The following NAALADL2 variants were observed in gnomAD, a reference collection of about 807,000 sequenced individuals.
NAALADL2 encodes N-acetylated alpha-linked acidic dipeptidase like 2.
In NAALADL2, 76 loss-of-function variants were observed where a neutral mutation model predicts 87.2. The observed-to-expected ratio is 0.87, with a 90% CI of 0.72 to 1.05. NAALADL2 has a LOEUF of 1.05. Among genes scored for constraint, NAALADL2 ranks in the 50% least tolerant of loss-of-function variants. NAALADL2 has a pLI of 0.00. For synonymous variants in NAALADL2, 354 were observed against 331.0 expected (o/e 1.07, Z -0.75); for missense variants, 1,089 against 945.8 (o/e 1.15, Z -1.99).
intron 9 of NAALADL2, among the ~76,000 whole-genome samples, chr3:175,530,291 C>T (rs184689057): frequency 6.6e-5 from 10 of 152,302 alleles, no homozygotes; most frequent in Admixed American, 6.5e-4. Context: ...TCAGAGAGGT[C>T]GATCCACATA....
intron 1 of NAALADL2, among the ~76,000 whole-genome samples, chr3:174,523,920 G>A (rs1304548898): frequency 6.6e-6 from 1 of 152,060 alleles, no homozygotes; most frequent in Non-Finnish European, 1.5e-5. Flanking sequence ...ATGGGGTTCA[G>A]CAAGTATGAT....
intron 13 of NAALADL2, among the ~76,000 whole-genome samples, chr3:175,800,776 A>C (rs1393424237): frequency 1.3e-5 from 2 of 152,194 alleles, no homozygotes; most frequent in Non-Finnish European, 2.9e-5. Context: ...CTAGCCTCAC[A>C]GCACTGAATT....
chr3:175,605,032 A>G (rs910997416), intron 10 of NAALADL2, among the ~76,000 whole-genome samples: 4 of 152,186 alleles, frequency 2.6e-5, no homozygotes, highest in African/African-American at 7.2e-5. Context: ...AGGATTCCCA[A>G]ATCATAAAAA....
intron 1 of NAALADL2, among the ~76,000 whole-genome samples, chr3:174,514,354 T>C (rs1194884996): frequency 6.6e-6 from 1 of 152,142 alleles, no homozygotes; most frequent in Non-Finnish European, 1.5e-5. Flanking sequence ...TCTATGTATA[T>C]GTTTCATAAG....
At chr3:174,788,284 A>G (rs763015530) in intron 3 of NAALADL2, among the ~76,000 whole-genome samples, 5 of 149,548 alleles carry the variant, frequency 3.3e-5, no homozygotes, top group African/African-American at 7.5e-5. Flanking sequence ...ATCAGATGTG[A>G]CATTATTGGG....
chr3:175,213,831 C>T (rs556294654), intron 2 of NAALADL2, among the ~76,000 whole-genome samples: 12 of 152,252 alleles, frequency 7.9e-5, no homozygotes, highest in Non-Finnish European at 1.2e-4. Flanking sequence ...TATTTGAACA[C>T]GATTTGTCTC....
chr3:175,771,153 A>G (rs9872834), intron 13 of NAALADL2, among the ~76,000 whole-genome samples: 28,801 of 152,052 alleles, frequency 0.19, 3,439 homozygotes, highest in African/African-American at 0.34. Context: ...TATTTTATGT[A>G]TTTATTATTA....
At chr3:174,767,592 C>T (rs1713983552) in intron 3 of NAALADL2, among the ~76,000 whole-genome samples, 1 of 152,088 alleles carries the variant, frequency 6.6e-6, no homozygotes, top group East Asian at 1.9e-4. Flanking sequence ...CACTAGCTTA[C>T]CCACGCCAGA....
chr3:174,464,379 ATT>A (rs35463381), intron 1 of NAALADL2, among the ~76,000 whole-genome samples: 15 of 131,434 alleles, frequency 1.1e-4, no homozygotes, highest in Non-Finnish European at 1.8e-4. Context: ...TGTTGGATTC[ATT>A]TTTTTTTTTT....
At chr3:175,326,979 CTTTGT>C (rs1308437133) in intron 5 of NAALADL2, among the ~76,000 whole-genome samples, 1 of 151,980 alleles carries the variant, frequency 6.6e-6, no homozygotes, top group Non-Finnish European at 1.5e-5. Flanking sequence ...AATTTAAGAA[CTTTGT>C]TTTATTTACC....
intron 2 of NAALADL2, among the ~76,000 whole-genome samples, chr3:175,121,390 T>C (rs1726134271): frequency 6.6e-6 from 1 of 151,842 alleles, no homozygotes; most frequent in Non-Finnish European, 1.5e-5. Context: ...GAACTAGATG[T>C]TTCACAACCA....
chr3:175,662,450 T>C (rs1408905205), intron 11 of NAALADL2, among the ~76,000 whole-genome samples: 1 of 152,016 alleles, frequency 6.6e-6, no homozygotes, highest in Non-Finnish European at 1.5e-5. Flanking sequence ...ATAATTTGAC[T>C]TTTTCCTTTC....
At chr3:175,619,505 G>C (rs891597785) in intron 10 of NAALADL2, among the ~76,000 whole-genome samples, 1 of 151,482 alleles carries the variant, frequency 6.6e-6, no homozygotes, top group Non-Finnish European at 1.5e-5. Context: ...TGCAGAGGAG[G>C]GAAGGTGCCT....
rs368622852 is a variant in NAALADL2 at position 174,996,320 on chromosome 3, A to C, written c.44-100470A>C. Among the ~76,000 whole-genome samples the C allele has an allele frequency of 9.3e-5, 14 of 149,806 alleles. No homozygotes were observed. The East Asian group carries it at 2.8e-3, about 30-fold the overall frequency. ...AGACCATCCTGGCTAACACGGTGAA[A>C]CCCCGTCTCTGCTAAAAATAAAAAA... On this transcript the variant is annotated intron_variant, in intron 1 of 13. Coordinates refer to ENST00000454872, the MANE Select transcript of NAALADL2 (RefSeq NM_207015.3).
chr3:174,699,321 C>T (rs1729332975), intron 2 of NAALADL2, among the ~76,000 whole-genome samples: 1 of 152,078 alleles, frequency 6.6e-6, no homozygotes, highest in African/African-American at 2.4e-5. Flanking sequence ...TATGGTGAAA[C>T]CTCGTCTCTA....
chr3:174,630,173 A>T (rs865946667), intron 2 of NAALADL2, among the ~76,000 whole-genome samples: 1 of 152,152 alleles, frequency 6.6e-6, no homozygotes, highest in Admixed American at 6.5e-5. Context: ...TTAAAATACA[A>T]TATTATTTAA....
intron 12 of NAALADL2, among the ~76,000 whole-genome samples, chr3:175,742,476 C>CAAGCTCTGCCTCCCGG (rs1553963652): frequency 2.0e-4 from 31 of 151,426 alleles, no homozygotes; most frequent in Non-Finnish European, 3.4e-4. Flanking sequence ...TGGCTCACTG[C>CAAGCTCTGCCTCCCGG]AAGCTCCGCC....
intron 2 of NAALADL2, among the ~76,000 whole-genome samples, chr3:174,606,419 T>A (rs1027560810): frequency 6.6e-5 from 10 of 152,090 alleles, no homozygotes; most frequent in Non-Finnish European, 1.3e-4. Flanking sequence ...TTAAAAACTT[T>A]GAAAAAAATT....
intron 11 of NAALADL2, among the ~76,000 whole-genome samples, chr3:175,630,219 C>G (rs77008575): frequency 0.018 from 2,685 of 151,714 alleles, 33 homozygotes; most frequent in Non-Finnish European, 0.029. Flanking sequence ...ATTTTAATGT[C>G]AAATTTTATC....
Sources: gnomAD v4.1 joint callset for allele counts (sites outside exome capture counted in the v4.1 genomes callset) on GRCh38, gnomAD v4.1.1 for gene constraint, MANE v1.5 for transcripts, NCBI Gene and HGNC (gene_info 2026-07-23, HGNC 2026-07-21) for gene names.